Variants in TTC28 observed in about 807,000 individuals in gnomAD.
The protein encoded by TTC28 is tetratricopeptide repeat domain 28.
Under a neutral mutation model 198.0 loss-of-function variants are expected in TTC28, and 61 were observed. The ratio of observed to expected loss-of-function variants is 0.31; its 90% CI spans 0.25 to 0.38. TTC28 has a LOEUF of 0.38. Among genes scored for constraint, TTC28 ranks in the 10% least tolerant of loss-of-function variants. TTC28 has a pLI of 1.00. For missense variants in TTC28, 2,678 were observed against 3,164.0 expected (o/e 0.85, Z 3.69); for synonymous variants, 1,171 against 1,297.8 (o/e 0.90, Z 2.10).
intron 1 of TTC28, among the ~76,000 whole-genome samples, chr22:28,641,087 A>T (rs2051357215): frequency 6.6e-6 from 1 of 152,188 alleles, no homozygotes; most frequent in African/African-American, 2.4e-5. Flanking sequence ...GCACTATGGG[A>T]GGCCGAGGTA....
intron 2 of TTC28, among the ~76,000 whole-genome samples, chr22:28,456,620 G>A (rs2047864024): frequency 6.6e-6 from 1 of 152,044 alleles, no homozygotes; most frequent in Non-Finnish European, 1.5e-5. Flanking sequence ...TCTGACTCCG[G>A]TTTGGAGTGC....
chr22:28,043,118 C>T (rs1939721520), intron 12 of TTC28, among the ~76,000 whole-genome samples: 2 of 151,740 alleles, frequency 1.3e-5, no homozygotes, highest in African/African-American at 4.8e-5. Context: ...GTGGTGGGCA[C>T]CTGTAATCCC....
intron 2 of TTC28, among the ~76,000 whole-genome samples, chr22:28,413,311 G>C (rs1404196346): frequency 6.6e-6 from 1 of 152,006 alleles, no homozygotes; most frequent in Admixed American, 6.6e-5. Context: ...GGTGGCAGGC[G>C]CCTGTAGTCC....
At chr22:28,463,408 A>C (rs1462607320) in intron 2 of TTC28, among the ~76,000 whole-genome samples, 2 of 152,194 alleles carry the variant, frequency 1.3e-5, no homozygotes, top group Non-Finnish European at 2.9e-5. Flanking sequence ...CCATTGCATT[A>C]CTGGGTATAT....
intron 6 of TTC28, among the ~76,000 whole-genome samples, chr22:28,118,518 CTA>C (rs1354384756): frequency 6.6e-6 from 1 of 152,140 alleles, no homozygotes; most frequent in Admixed American, 6.5e-5. Context: ...CATACCTTCT[CTA>C]TGTTTAGATA....
At chr22:28,311,183 G>A (rs1037420001) in intron 2 of TTC28, among the ~76,000 whole-genome samples, 5 of 149,804 alleles carry the variant, frequency 3.3e-5, no homozygotes, top group African/African-American at 1.0e-4. Flanking sequence ...AGCTTCTAGT[G>A]AATATATGCT....
At chr22:28,380,981 C>G (rs1320925652) in intron 2 of TTC28, among the ~76,000 whole-genome samples, 4 of 151,924 alleles carry the variant, frequency 2.6e-5, no homozygotes, top group African/African-American at 9.7e-5. Context: ...TTTGCCTTAC[C>G]TACTATGAAT....
intron 5 of TTC28, among the ~76,000 whole-genome samples, chr22:28,197,317 C>A (rs1171979655): frequency 6.6e-6 from 1 of 151,600 alleles, no homozygotes; most frequent in Non-Finnish European, 1.5e-5. Flanking sequence ...AAGAGATATA[C>A]CTAATGCTAA....
At chr22:28,326,184 TG>T (rs1418157999) in intron 2 of TTC28, among the ~76,000 whole-genome samples, 1 of 152,112 alleles carries the variant, frequency 6.6e-6, no homozygotes, top group African/African-American at 2.4e-5. Flanking sequence ...GCATGTAATA[TG>T]GGTGAAACTC....
intron 5 of TTC28, among the ~76,000 whole-genome samples, chr22:28,211,202 T>C (rs10872880): frequency 0.019 from 2,927 of 152,196 alleles, 36 homozygotes; most frequent in Non-Finnish European, 0.027. Context: ...AGACCATTGA[T>C]GCTAGGAAGA....
chr22:28,674,735 C>T (rs531707499), intron 1 of TTC28, among the ~76,000 whole-genome samples: 10 of 149,776 alleles, frequency 6.7e-5, no homozygotes, highest in African/African-American at 2.5e-4. Flanking sequence ...AGGAGGATCA[C>T]TTGAACCCAG....
chr22:28,575,606 G>A (rs149317303), intron 2 of TTC28, among the ~76,000 whole-genome samples: 439 of 152,110 alleles, frequency 2.9e-3, no homozygotes, highest in African/African-American at 0.01. Context: ...AGGTAGTATG[G>A]ATGTTTTAAC....
Position 27,982,830 on chromosome 22 carries a change from G to A in TTC28, c.6837C>T (p.Ser2279=). Residue 2279 remains serine, a synonymous_variant, in exon 23 of 23, where the codon TCC becomes TCT. Transcript: ENST00000397906. The surrounding 1 kb of genome is among the most constrained non-coding windows in gnomAD (Gnocchi z 5.2). Reference sequence around the variant, plus strand: ...GTTTAAAGAGAGGCTGGTCCAGCTGGGAAGTCTGTGAGTCGCAGCCGGGCG... The same window carrying A: ...GTTTAAAGAGAGGCTGGTCCAGCTGAGAAGTCTGTGAGTCGCAGCCGGGCG... ...RPSPGCDSQT[S]QLDQPLFKLK... is the part of the protein sequence containing the mutation. 1.3e-6 allele frequency: 2 copies of A among 1,541,630 alleles called. No homozygotes were observed. Among genetic ancestry groups the A allele is most frequent in the Non-Finnish European group, 8.8e-7 (1 of 1,141,072 alleles).
At chr22:28,353,707 A>C (rs1329808464) in intron 2 of TTC28, among the ~76,000 whole-genome samples, 1 of 152,206 alleles carries the variant, frequency 6.6e-6, no homozygotes, top group Non-Finnish European at 1.5e-5. Flanking sequence ...ATTTTTGCGC[A>C]TCAAAGGGCA....
At chr22:28,270,828 G>GT (rs1932019243) in intron 5 of TTC28, among the ~76,000 whole-genome samples, 1 of 152,000 alleles carries the variant, frequency 6.6e-6, no homozygotes, top group Admixed American at 6.6e-5. Context: ...GGGCCCAGGA[G>GT]TTTGAGACCA....
At chr22:28,418,474 G>C (rs1311822651) in intron 2 of TTC28, among the ~76,000 whole-genome samples, 1 of 152,186 alleles carries the variant, frequency 6.6e-6, no homozygotes, top group Admixed American at 6.5e-5. Context: ...TCAGCAATAT[G>C]ACTTGCTTTA....
chr22:28,378,816 G>A (rs543760006), intron 2 of TTC28, among the ~76,000 whole-genome samples: 10 of 152,210 alleles, frequency 6.6e-5, no homozygotes, highest in Non-Finnish European at 8.8e-5. Context: ...TCAAGCAGCC[G>A]AATATACAAG....
At chr22:28,078,748 A>G (rs1484811504) in intron 12 of TTC28, among the ~76,000 whole-genome samples, 1 of 152,202 alleles carries the variant, frequency 6.6e-6, no homozygotes, top group Non-Finnish European at 1.5e-5. Flanking sequence ...TTTCTTAAGC[A>G]TCTACTATGT....
At position 27,982,414 on chromosome 22, in the gene TTC28, A is replaced by G. The variant is rs1249422747; in HGVS notation, c.7253T>C (p.Leu2418Pro). 1.9e-6 allele frequency: 3 copies of G among 1,551,444 alleles called. No individual in the cohort carries two copies. Among genetic ancestry groups the G allele is most frequent in the East Asian group, 2.4e-5 (1 of 40,884 alleles). Residue 2418 changes from leucine to proline, a missense_variant, in exon 23 of 23, where the codon CTG (leucine) becomes CCG (proline). By Grantham distance (98) the Leu-to-Pro change is moderately conservative. Coordinates refer to ENST00000397906, the MANE Select transcript of TTC28 (RefSeq NM_001145418.2). The surrounding 1 kb of genome is among the most constrained non-coding windows in gnomAD (Gnocchi z 5.2). The stretch of plus-strand genomic sequence containing the variant: ...CGGTGGAGCTCCGTCATGCTGCTGC[A>G]GGGACAGCTCCTTCAGTTCAAGCTT... Reference protein sequence around the residue: ...VDKLELKELSLQQHDGAPPKA... With the variant: ...VDKLELKELSPQQHDGAPPKA...
Sources: gnomAD v4.1 joint callset for allele counts (sites outside exome capture counted in the v4.1 genomes callset) on GRCh38, gnomAD v4.1.1 for gene constraint, Gnocchi (gnomAD v3.1) non-coding constraint, MANE v1.5 for transcripts, NCBI Gene and HGNC (gene_info 2026-07-23, HGNC 2026-07-21) for gene names.